Variants in SPOCK3 observed in about 807,000 individuals in gnomAD.
SPOCK3 encodes the protein SPARC (osteonectin), cwcv and kazal like domains proteoglycan 3.
Under a neutral mutation model 56.6 loss-of-function variants are expected in SPOCK3, and 30 were observed. That is an observed-to-expected ratio of 0.53 (90% CI 0.40 to 0.72). The LOEUF (loss-of-function observed/expected upper bound fraction) is 0.72, where lower values mean the gene tolerates loss of function less well. Ranked by LOEUF, SPOCK3 falls within the 30% of genes least tolerant of loss-of-function variation. The pLI, the probability that SPOCK3 is intolerant of heterozygous loss-of-function variation, is 0.00. For synonymous variants in SPOCK3, 196 were observed against 183.3 expected (o/e 1.07, Z -0.56); for missense variants, 527 against 530.0 (o/e 0.99, Z 0.06).
intron 4 of SPOCK3, among the ~76,000 whole-genome samples, chr4:166,972,118 G>A (rs917720215): frequency 6.6e-6 from 1 of 152,098 alleles, no homozygotes; most frequent in Admixed American, 6.6e-5. Context: ...AGCCTCTGTG[G>A]TGCATCACTT....
At position 167,130,294 on chromosome 4, in the gene SPOCK3, G is replaced by C. The variant is rs571163114; in HGVS notation, c.190-67757C>G. Among the ~76,000 whole-genome samples the C allele has an allele frequency of 1.6e-4, 25 of 152,052 alleles. No individual in the cohort carries two copies. In the East Asian group the frequency reaches 4.6e-3, roughly 28 times the overall value. On this transcript the variant is annotated intron_variant, in intron 2 of 10. Coordinates refer to ENST00000357545, the MANE Select transcript of SPOCK3 (RefSeq NM_001040159.2). ...TCAAATATTTTAAAAATAATAGATT[G>C]TTTTAATTTTTAATTATCAAAGTTA...
At chr4:167,166,484 C>T (rs1395478610) in intron 2 of SPOCK3, among the ~76,000 whole-genome samples, 2 of 152,016 alleles carry the variant, frequency 1.3e-5, no homozygotes, top group South Asian at 2.1e-4. Context: ...CTCTCAAGAG[C>T]AGGAAAATGT....
At position 167,038,044 on chromosome 4, in the gene SPOCK3, G is replaced by A. The variant is rs140418865; in HGVS notation, c.235+24448C>T. Among the ~76,000 whole-genome samples, 1,520 of 152,202 alleles carry A rather than the reference G, an allele frequency of 1.0e-2. 31 individuals are homozygous for A. Among genetic ancestry groups the A allele is most frequent in the Non-Finnish European group, 9.1e-3 (622 of 68,012 alleles). On this transcript the variant is annotated intron_variant, in intron 3 of 10. Coordinates refer to ENST00000357545, the MANE Select transcript of SPOCK3 (RefSeq NM_001040159.2). Reference sequence around the variant, plus strand: ...CAGGAGAAGGACAATTATCTAGCATGAGCCTAAAAGGACCAGTTTCAACGG... The same window carrying A: ...CAGGAGAAGGACAATTATCTAGCATAAGCCTAAAAGGACCAGTTTCAACGG...
At chr4:167,149,366 T>C (rs1394567372) in intron 2 of SPOCK3, among the ~76,000 whole-genome samples, 1 of 152,124 alleles carries the variant, frequency 6.6e-6, no homozygotes, top group Non-Finnish European at 1.5e-5. Flanking sequence ...CTATTTGCTA[T>C]ACAGAAGGGT....
intron 3 of SPOCK3, among the ~76,000 whole-genome samples, chr4:167,000,833 C>A (rs896524260): frequency 6.6e-6 from 1 of 152,082 alleles, no homozygotes; most frequent in Non-Finnish European, 1.5e-5. Flanking sequence ...GCAATCTATA[C>A]CCTTGCTTTC....
intron 2 of SPOCK3, among the ~76,000 whole-genome samples, chr4:167,109,411 A>ATATAAATGTATATT (rs1561225462): frequency 1.3e-5 from 1 of 75,550 alleles, no homozygotes; most frequent in African/African-American, 4.7e-5. Flanking sequence ...ATATATAAAT[A>ATATAAATGTATATT]TATATATAAA....
chr4:166,928,986 A>G (rs922379572), intron 4 of SPOCK3, among the ~76,000 whole-genome samples: 14 of 152,038 alleles, frequency 9.2e-5, no homozygotes, highest in African/African-American at 3.4e-4. Flanking sequence ...AACAACAACA[A>G]CAACAAAAAC....
At chr4:166,971,115 T>C (rs1215202667) in intron 4 of SPOCK3, among the ~76,000 whole-genome samples, 2 of 152,184 alleles carry the variant, frequency 1.3e-5, no homozygotes, top group Admixed American at 6.5e-5. Flanking sequence ...ATGTATAATT[T>C]ACATACTTCA....
chr4:166,928,725 C>T (rs1739393219), intron 4 of SPOCK3, among the ~76,000 whole-genome samples: 1 of 152,118 alleles, frequency 6.6e-6, no homozygotes, highest in Non-Finnish European at 1.5e-5. Context: ...AATCCCAGCA[C>T]TTTGGGAGGC....
chr4:166,931,908 G>C (rs1347175418), intron 4 of SPOCK3, among the ~76,000 whole-genome samples: 1 of 151,972 alleles, frequency 6.6e-6, no homozygotes, highest in Non-Finnish European at 1.5e-5. Flanking sequence ...TATTACTCTT[G>C]GTATTTTAGG....
At chr4:166,886,660 A>G (rs970200514) in intron 6 of SPOCK3, among the ~76,000 whole-genome samples, 17 of 152,160 alleles carry the variant, frequency 1.1e-4, no homozygotes, top group African/African-American at 4.1e-4. Flanking sequence ...AAAACATACT[A>G]TGGTGCTAAT....
chr4:167,176,358 A>T (rs1284714625), intron 2 of SPOCK3, among the ~76,000 whole-genome samples: 1 of 152,168 alleles, frequency 6.6e-6, no homozygotes, highest in Non-Finnish European at 1.5e-5. Context: ...TGATTAGCAC[A>T]CGGAAGCAAC....
At chr4:166,794,827 G>T (rs1741748461) in intron 6 of SPOCK3, among the ~76,000 whole-genome samples, 1 of 151,778 alleles carries the variant, frequency 6.6e-6, no homozygotes, top group South Asian at 2.1e-4. Flanking sequence ...ATTTTTAGTA[G>T]AGACGGGGTT....
intron 4 of SPOCK3, among the ~76,000 whole-genome samples, chr4:166,937,880 C>T (rs991457054): frequency 2.0e-5 from 3 of 149,828 alleles, no homozygotes; most frequent in Non-Finnish European, 3.0e-5. Flanking sequence ...TCTCCTGCCT[C>T]AGCCTCCCGA....
At chr4:166,822,448 GTC>G (rs1745033095) in intron 6 of SPOCK3, among the ~76,000 whole-genome samples, 1 of 152,026 alleles carries the variant, frequency 6.6e-6, no homozygotes, top group Admixed American at 6.6e-5. Context: ...ATTTTTAAAT[GTC>G]TCTGAGATTT....
chr4:167,190,341 T>C (rs1436008888), intron 2 of SPOCK3, among the ~76,000 whole-genome samples: 3 of 146,146 alleles, frequency 2.1e-5, no homozygotes, highest in Non-Finnish European at 3.0e-5. Flanking sequence ...CTTTGTGATT[T>C]TGATTTGCAC....
At chr4:166,888,591 TTAGA>T (rs1188489211) in intron 6 of SPOCK3, among the ~76,000 whole-genome samples, 2 of 152,024 alleles carry the variant, frequency 1.3e-5, no homozygotes, top group South Asian at 2.1e-4. Flanking sequence ...TTTATTTTTA[TTAGA>T]TAGTAAACCA....
intron 6 of SPOCK3, among the ~76,000 whole-genome samples, chr4:166,867,156 G>A (rs1731935736): frequency 6.6e-6 from 1 of 151,988 alleles, no homozygotes; most frequent in African/African-American, 2.4e-5. Flanking sequence ...TGAGAGTGAA[G>A]TGATTTAGTG....
intron 6 of SPOCK3, among the ~76,000 whole-genome samples, chr4:166,810,670 T>C (rs1407752068): frequency 3.9e-5 from 6 of 152,060 alleles, no homozygotes; most frequent in Non-Finnish European, 7.4e-5. Context: ...TGATGTATCA[T>C]ACTTTCTTAA....
Sources: allele counts gnomAD v4.1 joint callset (sites outside exome capture counted in the v4.1 genomes callset), GRCh38; gene constraint gnomAD v4.1.1; transcripts MANE v1.5; gene names NCBI Gene and HGNC (gene_info 2026-07-23, HGNC 2026-07-21).